The following CCDC186 variants were observed in gnomAD, a reference collection of about 807,000 sequenced individuals.
CCDC186 encodes the protein coiled-coil domain containing 186, also known as coiled-coil domain-containing protein 186.
A neutral mutation model predicts 113.7 loss-of-function variants in CCDC186; 49 were observed. The ratio of observed to expected loss-of-function variants is 0.43; its 90% CI spans 0.34 to 0.55. The LOEUF is 0.55. Ranked by LOEUF, CCDC186 falls within the 20% of genes least tolerant of loss-of-function variation. The pLI is 0.02. For missense variants in CCDC186, 890 were observed against 1,011.1 expected (o/e 0.88, Z 1.62); for synonymous variants, 355 against 345.8 (o/e 1.03, Z -0.30).
At chr10:114,138,242 AAAAACAAAACAAAACAAAAC>A (rs550818343) in intron 6 of CCDC186, among the ~76,000 whole-genome samples, 11 of 144,266 alleles carry the variant, frequency 7.6e-5, no homozygotes, top group East Asian at 2.0e-4. Context: ...TTTGTCACAA[AAAAACAAAACAAAACAAAAC>A]AAAACAAAAC....
chr10:114,151,520 A>T (rs570206528), intron 3 of CCDC186, among the ~76,000 whole-genome samples: 6 of 152,342 alleles, frequency 3.9e-5, no homozygotes, highest in African/African-American at 1.4e-4. Context: ...AGCAACCTTC[A>T]GTCACCCACA....
rs1480114722 is a variant in CCDC186 at position 114,123,608 on chromosome 10, A to C, written c.*1535T>G. On this transcript the variant is annotated 3_prime_UTR_variant, in exon 16 of 16. Coordinates refer to ENST00000369287, the MANE Select transcript of CCDC186 (RefSeq NM_018017.4). ...AGGCTTGCTGCAATATCTGCATAAG[A>C]GCCACGGTATCTTATTATAGTAATG... The C allele has an allele frequency of 6.6e-6, 1 of 152,200 alleles. No homozygotes were observed. The highest frequency in any genetic ancestry group is 1.5e-5 in the Non-Finnish European group (1 of 68,030). The allele number at this position is 152,200 out of a possible 1,614,324, so 9.4% of individuals were successfully genotyped here.
At chr10:114,132,559 C>T (rs2031121738) in intron 10 of CCDC186, among the ~76,000 whole-genome samples, 1 of 152,152 alleles carries the variant, frequency 6.6e-6, no homozygotes, top group African/African-American at 2.4e-5. Flanking sequence ...GCTTCTGGGT[C>T]ATATGGTTTT....
intron 1 of CCDC186, chr10:114,166,043 G>T: frequency 2.1e-6 from 1 of 482,634 alleles, no homozygotes; most frequent in Non-Finnish European, 2.7e-6. Context: ...TGGCGGCAAA[G>T]TTACATCGGA....
Position 114,121,384 on chromosome 10 carries a change from T to G in CCDC186, c.*3759A>C, listed in dbSNP as rs547485933. 1 of 152,226 alleles carries G rather than the reference T, an allele frequency of 6.6e-6. No individual in the cohort carries two copies. Among genetic ancestry groups the G allele is most frequent in the East Asian group, 1.9e-4 (1 of 5,200 alleles). The allele number at this position is 152,226 out of a possible 1,614,324, so 9.4% of individuals were successfully genotyped here. A position where few individuals can be genotyped will look rare whatever the true frequency, so the allele number is the denominator to read the frequency against. On this transcript the variant is annotated 3_prime_UTR_variant, in exon 16 of 16. Coordinates refer to ENST00000369287, the MANE Select transcript of CCDC186 (RefSeq NM_018017.4). Reference sequence around the variant, plus strand: ...ACAACATTTACATTATTAAGGATTCTATTTTTTTCTTTTACTGATAAATCT... The same window carrying G: ...ACAACATTTACATTATTAAGGATTCGATTTTTTTCTTTTACTGATAAATCT...
intron 6 of CCDC186, among the ~76,000 whole-genome samples, chr10:114,142,010 A>G (rs2031484333): frequency 6.6e-6 from 1 of 152,364 alleles, no homozygotes; most frequent in South Asian, 2.1e-4. Context: ...TAGTCAATAG[A>G]ATACAGTTAT....
At position 114,163,197 on chromosome 10, in the gene CCDC186, T is replaced by C. The variant is rs553790751; in HGVS notation, c.72A>G (p.Glu24=). Residue 24 remains glutamate, a synonymous_variant, in exon 2 of 16, where the codon GAA becomes GAG. Coordinates refer to ENST00000369287, the MANE Select transcript of CCDC186 (RefSeq NM_018017.4). The stretch of plus-strand genomic sequence containing the variant: ...TGCCAGAAAACAAGTTGCATGAGTC[T>C]TCCTTTAATTCAGGTGTTTTCCCAA... ...KNVGKTPELK[E]DSCNLFSGNE... The C allele has an allele frequency of 6.2e-7, 1 of 1,613,976 alleles. No individual in the cohort carries two copies. The highest frequency in any genetic ancestry group is 1.3e-5 in the African/African-American group (1 of 75,054).
chr10:114,133,767 G>A (rs539617470), intron 10 of CCDC186, among the ~76,000 whole-genome samples: 17 of 152,312 alleles, frequency 1.1e-4, no homozygotes, highest in African/African-American at 4.1e-4. Flanking sequence ...TTAATAAAAT[G>A]TTGGGGTAAA....
intron 7 of CCDC186, 95 bp from the exon 8 acceptor site, chr10:114,136,341 T>A: frequency 1.3e-6 from 1 of 778,204 alleles, no homozygotes; most frequent in Non-Finnish European, 2.1e-6. Flanking sequence ...TAGCATCATA[T>A]ACATTTCTGT....
In CCDC186 at chr10:114,125,308, G is replaced by A. The variant is rs962551787; in HGVS notation, c.2614-82C>T. ...AACAATTCAGTTTGAACTATTTTTT[G>A]CCTAAATTTTGGAAATGAAAGAGTG... On this transcript the variant is annotated intron_variant, in intron 15 of 15. Coordinates refer to ENST00000369287, the MANE Select transcript of CCDC186 (RefSeq NM_018017.4). 2.7e-6 allele frequency: 3 copies of A among 1,115,756 alleles called. No individual in the cohort carries two copies. In the African/African-American group the frequency reaches 4.8e-5, roughly 18 times the overall value. 69.1% of individuals were successfully genotyped at this position (1,115,756 alleles called of 1,614,324 possible).
At chr10:114,138,665 T>C (rs1211636029) in intron 6 of CCDC186, among the ~76,000 whole-genome samples, 2 of 152,140 alleles carry the variant, frequency 1.3e-5, no homozygotes, top group African/African-American at 4.8e-5. Context: ...TTCTTCTTCT[T>C]CTTATTCTTT....
chr10:114,136,315 G>A (rs994829525), intron 7 of CCDC186, 69 bp from the exon 8 acceptor site: 24 of 1,052,536 alleles, frequency 2.3e-5, no homozygotes, highest in South Asian at 1.2e-4. Flanking sequence ...GAGAATACTC[G>A]TCTCTAATCC....
At position 114,162,842 on chromosome 10, in the gene CCDC186, T is replaced by C. The variant is rs764714029; in HGVS notation, c.427A>G (p.Thr143Ala). Residue 143 changes from threonine (T) to alanine (A), a missense_variant, in exon 2 of 16, where the codon ACA becomes GCA. Coordinates refer to ENST00000369287, the MANE Select transcript of CCDC186 (RefSeq NM_018017.4). ...EKTYSESPYD[T>A]DCTKKFISKI... ...GAAATAAATTTCTTGGTGCAGTCTG[T>C]ATCATAGGGGCTTTCTGAATAAGTC... is the stretch of plus-strand genomic sequence containing the variant. 8.7e-6 allele frequency: 14 copies of C among 1,613,922 alleles called. No homozygotes were observed. Among genetic ancestry groups the C allele is most frequent in the Middle Eastern group, 1.6e-4 (1 of 6,082 alleles).
At position 114,141,823 on chromosome 10, in the gene CCDC186, T is replaced by C. The variant is rs116992514; in HGVS notation, c.1221+2674A>G. On this transcript the variant is annotated intron_variant, in intron 6 of 15. Transcript: ENST00000369287. ...GTAGACTGCTGGGCTGTCCAGGTTCTTCTTGTTCTGCAGACTGGAACTCTC... is the reference window on the plus strand; with the variant it reads ...GTAGACTGCTGGGCTGTCCAGGTTCCTCTTGTTCTGCAGACTGGAACTCTC... Among the ~76,000 whole-genome samples, 871 of 152,312 alleles carry C rather than the reference T, an allele frequency of 5.7e-3. 7 individuals are homozygous for C. The highest frequency in any genetic ancestry group is 0.01 in the Middle Eastern group (3 of 294).
rs1359707238 is a variant in CCDC186, at chr10:114,123,935, C to T, written c.*1208G>A. 2.0e-5 allele frequency: 3 copies of T among 152,258 alleles called. No homozygotes were observed. Among genetic ancestry groups the T allele is most frequent in the African/African-American group, 7.2e-5 (3 of 41,432 alleles). The allele number at this position is 152,258 out of a possible 1,614,324, so 9.4% of individuals were successfully genotyped here. A position where few individuals can be genotyped will look rare whatever the true frequency, so the allele number is the denominator to read the frequency against. On this transcript the variant is annotated 3_prime_UTR_variant, in exon 16 of 16. Coordinates refer to ENST00000369287, the MANE Select transcript of CCDC186 (RefSeq NM_018017.4). Reference sequence around the variant, plus strand: ...ATCATGGCTCACCTGCAGCCTTGACCTCCTGTGCTCAAGTGATTCTACCGC... The same window carrying T: ...ATCATGGCTCACCTGCAGCCTTGACTTCCTGTGCTCAAGTGATTCTACCGC...
intron 13 of CCDC186, among the ~76,000 whole-genome samples, chr10:114,128,040 C>T (rs1443025355): frequency 6.6e-6 from 1 of 152,134 alleles, no homozygotes; most frequent in African/African-American, 2.4e-5. Flanking sequence ...GTGGGTTAAG[C>T]TCTGAGGACA....
chr10:114,168,233 T>C (rs561910529), intron 1 of CCDC186: 2 of 152,224 alleles, frequency 1.3e-5, no homozygotes. Context: ...GGTTTCGCTC[T>C]TACTGGAGCT....
At position 114,124,345 on chromosome 10, in the gene CCDC186, T is replaced by G. The variant is rs906743701; in HGVS notation, c.*798A>C. ...TTACACAAGGTCAGTAAAACTAAAG[T>G]ATTTCAGTTTCAAAGAACTATTCTC... On this transcript the variant is annotated 3_prime_UTR_variant, in exon 16 of 16. Coordinates refer to ENST00000369287, the MANE Select transcript of CCDC186 (RefSeq NM_018017.4). The G allele has an allele frequency of 3.3e-5, 5 of 152,210 alleles. No homozygotes were observed. The highest frequency in any genetic ancestry group is 5.9e-5 in the Non-Finnish European group (4 of 68,042). The allele number at this position is 152,210 out of a possible 1,614,324, so 9.4% of individuals were successfully genotyped here. A position where few individuals can be genotyped will look rare whatever the true frequency, so the allele number is the denominator to read the frequency against.
rs201273108 is a variant in CCDC186 at position 114,162,891 on chromosome 10, T to C, written c.378A>G (p.Thr126=). The C allele has an allele frequency of 1.9e-6, 3 of 1,614,020 alleles. No individual in the cohort carries two copies. Among genetic ancestry groups the C allele is most frequent in the East Asian group, 4.5e-5 (2 of 44,864 alleles). Residue 126 remains threonine, a synonymous_variant, in exon 2 of 16, where the codon ACA becomes ACG. Transcript: ENST00000369287. The part of the protein sequence containing the change: ...TQILVELRSS[T]FPESANEKTY... ...TCTTTTCATTAGCTGATTCTGGAAA[T>C]GTAGATGACCTTAATTCCACCAATA... is the stretch of plus-strand genomic sequence containing the variant.
Sources: allele counts gnomAD v4.1 joint callset (sites outside exome capture counted in the v4.1 genomes callset), GRCh38; gene constraint gnomAD v4.1.1; transcripts MANE v1.5; gene names NCBI Gene and HGNC (gene_info 2026-07-23, HGNC 2026-07-21).